Variants in ARIH2 observed in about 807,000 individuals in gnomAD.
The protein encoded by ARIH2 is E3 ubiquitin-protein ligase ARIH2.
In ARIH2, 12 loss-of-function variants were observed where a neutral mutation model predicts 79.8. The observed-to-expected ratio is 0.15, with a 90% CI of 0.10 to 0.24. The LOEUF is 0.24. Among genes scored for constraint, ARIH2 ranks in the 10% least tolerant of loss-of-function variants. ARIH2 has a pLI of 1.00. For missense variants in ARIH2, 301 were observed against 618.3 expected (o/e 0.49, Z 5.44); for synonymous variants, 224 against 213.9 (o/e 1.05, Z -0.41).
At chr3:48,972,455 C>T (rs1425304658) in intron 8 of ARIH2, among the ~76,000 whole-genome samples, 4 of 152,054 alleles carry the variant, frequency 2.6e-5, no homozygotes, top group Non-Finnish European at 5.9e-5. Context: ...ACTAGCCTGG[C>T]CAACATGGTG....
rs2091269423 is a variant in ARIH2 at position 48,961,572 on chromosome 3, A to G, written c.256-40A>G. On this transcript the variant is annotated intron_variant, in intron 3 of 15. Transcript: ENST00000356401. ...AAAATGCGAAACACTTTAAAAGAAA[A>G]TGCAGTTATAATTCGATTTTTTTTC... is the stretch of plus-strand genomic sequence containing the variant. 9.5e-6 allele frequency: 12 copies of G among 1,268,450 alleles called. No homozygotes were observed. In the South Asian group the frequency reaches 1.3e-4, roughly 14 times the overall value. The allele number at this position is 1,268,450 out of a possible 1,614,324, so 78.6% of individuals were successfully genotyped here.
chr3:48,973,959 A>G, intron 9 of ARIH2, 143 bp downstream of exon 9: 1 of 590,560 alleles, frequency 1.7e-6, no homozygotes, highest in Non-Finnish European at 3.1e-6. Context: ...ACCCTCACAC[A>G]GAGTTGGCAG....
chr3:48,970,549 A>G (rs2092162284), intron 7 of ARIH2, 46 bp from the exon 8 acceptor site: 2 of 1,311,972 alleles, frequency 1.5e-6, no homozygotes, highest in African/African-American at 1.5e-5. Context: ...ATTTTTAGAC[A>G]GCAACTAAGA....
intron 12 of ARIH2, 129 bp from the exon 13 acceptor site, chr3:48,980,224 A>C (rs1033656394): frequency 3.2e-6 from 3 of 923,230 alleles, no homozygotes; most frequent in Non-Finnish European, 5.0e-6. Context: ...CTGCTCTTGC[A>C]CTTTGGGGAA....
intron 3 of ARIH2, among the ~76,000 whole-genome samples, chr3:48,939,769 A>AC (rs1175437288): frequency 9.4e-5 from 14 of 149,522 alleles, no homozygotes; most frequent in Non-Finnish European, 1.5e-4. Context: ...AAAAAAAAAA[A>AC]AAAAAAACAA....
At chr3:48,963,958 C>T (rs2091527512) in intron 4 of ARIH2, among the ~76,000 whole-genome samples, 1 of 152,106 alleles carries the variant, frequency 6.6e-6, no homozygotes, top group Non-Finnish European at 1.5e-5. Flanking sequence ...GTTCCTAGAA[C>T]CAAATGGATT....
rs377607526 is a variant in ARIH2 at position 48,985,089 on chromosome 3, T to C, written c.*1819T>C. 1 of 152,236 alleles carries C rather than the reference T, an allele frequency of 6.6e-6. No homozygotes were observed. 9.4% of individuals were successfully genotyped at this position (152,236 alleles called of 1,614,324 possible). ...GCTGTATTGGCACAGGGAATAAATATCCTGGCGTCTGGAGCCTTCACCTCT... is the reference window on the plus strand; with the variant it reads ...GCTGTATTGGCACAGGGAATAAATACCCTGGCGTCTGGAGCCTTCACCTCT... On this transcript the variant is annotated 3_prime_UTR_variant, in exon 16 of 16. Coordinates refer to ENST00000356401, the MANE Select transcript of ARIH2 (RefSeq NM_006321.4).
intron 3 of ARIH2, among the ~76,000 whole-genome samples, chr3:48,933,313 G>A (rs1046343734): frequency 3.3e-5 from 5 of 150,110 alleles, no homozygotes; most frequent in Admixed American, 1.3e-4. Context: ...CCACATGCCC[G>A]GGGGTGTGTG....
chr3:48,962,486 C>T (rs990201812), intron 4 of ARIH2, among the ~76,000 whole-genome samples: 10 of 152,116 alleles, frequency 6.6e-5, no homozygotes, highest in Admixed American at 3.3e-4. Flanking sequence ...TCTTAAGATA[C>T]AGACCTTAGA....
At chr3:48,967,517 C>T (rs544029639) in intron 6 of ARIH2, among the ~76,000 whole-genome samples, 3 of 152,334 alleles carry the variant, frequency 2.0e-5, no homozygotes, top group South Asian at 4.1e-4. Flanking sequence ...GCTACCTTCT[C>T]TCACCTTTTG....
chr3:48,959,198 C>G (rs1282046970), intron 3 of ARIH2, among the ~76,000 whole-genome samples: 1 of 150,692 alleles, frequency 6.6e-6, no homozygotes, highest in African/African-American at 2.4e-5. Flanking sequence ...CGCCTGTAGT[C>G]CCAGCTACTA....
At chr3:48,930,533 C>T (rs1040464718) in intron 3 of ARIH2, among the ~76,000 whole-genome samples, 1 of 152,056 alleles carries the variant, frequency 6.6e-6, no homozygotes, top group African/African-American at 2.4e-5. Flanking sequence ...GCTATGTTGC[C>T]TAGGTCTTAA....
intron 1 of ARIH2, 23 bp downstream of exon 1, chr3:48,919,021 G>T: frequency 7.1e-7 from 1 of 1,399,448 alleles, no homozygotes; most frequent in Non-Finnish European, 9.2e-7. Context: ...CGCACGTCAC[G>T]GCCTTGTTTA....
At chr3:48,930,718 C>T (rs2106981513) in intron 3 of ARIH2, among the ~76,000 whole-genome samples, 1 of 152,286 alleles carries the variant, frequency 6.6e-6, no homozygotes, top group Non-Finnish European at 1.5e-5. Context: ...TGTCTTGTTG[C>T]ACATGTCTCT....
At chr3:48,960,757 C>CAA (rs748889651) in intron 3 of ARIH2, among the ~76,000 whole-genome samples, 5 of 81,322 alleles carry the variant, frequency 6.1e-5, no homozygotes, top group Non-Finnish European at 1.1e-4. Context: ...AAGACTGTCT[C>CAA]AAAAAAAAAA....
intron 3 of ARIH2, chr3:48,945,201 G>A: frequency 7.8e-7 from 1 of 1,289,614 alleles, no homozygotes; most frequent in Non-Finnish European, 1.0e-6. Context: ...GGAAGGGCTG[G>A]TGACAGTTTT....
chr3:48,983,076 G>T, intron 15 of ARIH2, 97 bp downstream of exon 15: 2 of 1,498,050 alleles, frequency 1.3e-6, no homozygotes, highest in Non-Finnish European at 1.9e-6. Flanking sequence ...GGTAGCTGCT[G>T]CTAAGAATGG....
At chr3:48,979,717 CAG>C (rs2092683489) in intron 12 of ARIH2, 84 bp downstream of exon 12, 6 of 1,468,550 alleles carry the variant, frequency 4.1e-6, no homozygotes, top group Non-Finnish European at 5.6e-6. Context: ...GACTGGTAGA[CAG>C]AGCTAGCCTG....
chr3:48,945,322 A>T (rs2088960818), intron 3 of ARIH2: 2 of 654,138 alleles, frequency 3.1e-6, no homozygotes, highest in South Asian at 1.7e-5. Flanking sequence ...GACTAAAAAG[A>T]TAAAGAAGCC....
Sources: gnomAD v4.1 joint callset for allele counts (sites outside exome capture counted in the v4.1 genomes callset) on GRCh38, gnomAD v4.1.1 for gene constraint, MANE v1.5 for transcripts, NCBI Gene and HGNC (gene_info 2026-07-23, HGNC 2026-07-21) for gene names.